Variants in MCC observed in about 807,000 individuals in gnomAD.
The protein encoded by MCC is colorectal mutant cancer protein.
Under a neutral mutation model 116.2 loss-of-function variants are expected in MCC, and 90 were observed. The ratio of observed to expected loss-of-function variants is 0.77; its 90% CI spans 0.65 to 0.92. The LOEUF (loss-of-function observed/expected upper bound fraction) is 0.92. MCC is among the 40% of genes least tolerant of loss of function. MCC has a pLI of 0.00. For synonymous variants in MCC, 578 were observed against 510.5 expected (o/e 1.13, Z -1.78); for missense variants, 1,516 against 1,312.2 (o/e 1.16, Z -2.40).
chr5:113,324,566 C>G (rs1378891665), intron 3 of MCC, among the ~76,000 whole-genome samples: 1 of 152,048 alleles, frequency 6.6e-6, no homozygotes, highest in Non-Finnish European at 1.5e-5. Flanking sequence ...ACTTTTCCTT[C>G]TCTATTATAA....
chr5:113,316,882 T>C (rs905727367), intron 3 of MCC, among the ~76,000 whole-genome samples: 4 of 152,238 alleles, frequency 2.6e-5, no homozygotes, highest in Admixed American at 2.6e-4. Flanking sequence ...TTTAATAGCA[T>C]TCCTTTTTAA....
At chr5:113,042,398 C>G (rs1339881688) in intron 17 of MCC, among the ~76,000 whole-genome samples, 2 of 146,842 alleles carry the variant, frequency 1.4e-5, no homozygotes, top group Non-Finnish European at 3.0e-5. Context: ...TCACTTGAGC[C>G]CAGGAGATTG....
intron 14 of MCC, among the ~76,000 whole-genome samples, chr5:113,056,524 G>A (rs1411958057): frequency 6.6e-6 from 1 of 152,186 alleles, no homozygotes; most frequent in Non-Finnish European, 1.5e-5. Context: ...GCTAAATGAT[G>A]AGAACACATG....
intron 6 of MCC, among the ~76,000 whole-genome samples, chr5:113,107,508 C>T (rs6865341): frequency 0.11 from 16,290 of 152,066 alleles, 1,802 homozygotes; most frequent in African/African-American, 0.28. Context: ...CTAGGATGCT[C>T]ATCACTGCAG....
Position 113,312,500 on chromosome 5 carries a change from G to A in MCC, c.627+28019C>T, listed in dbSNP as rs529607621. On this transcript the variant is annotated intron_variant, in intron 3 of 18. Transcript: ENST00000408903. ...AGTCACAGAAACTTCAAATACAAAG[G>A]CCCTGTAGGGAAGGAGTACAGATGC... Among the ~76,000 whole-genome samples, 4 of 152,302 alleles carry A rather than the reference G, an allele frequency of 2.6e-5. No homozygotes were observed. In the South Asian group the frequency reaches 8.3e-4, roughly 32 times the overall value.
At chr5:113,171,522 T>C (rs78623467) in intron 3 of MCC, among the ~76,000 whole-genome samples, 49 of 151,900 alleles carry the variant, frequency 3.2e-4, no homozygotes, top group African/African-American at 1.2e-3. Flanking sequence ...ACCTGGCTCA[T>C]TTTTGTATTT....
intron 2 of MCC, among the ~76,000 whole-genome samples, chr5:113,352,684 G>C (rs1768304406): frequency 1.1e-5 from 1 of 90,710 alleles, no homozygotes; most frequent in Non-Finnish European, 2.3e-5. Flanking sequence ...GGGAGAAAGG[G>C]TTCATGAATG....
intron 3 of MCC, among the ~76,000 whole-genome samples, chr5:113,226,665 A>G (rs1260050655): frequency 1.3e-5 from 2 of 152,384 alleles, no homozygotes; most frequent in Admixed American, 6.5e-5. Context: ...GCTTAAATTA[A>G]GCTAATTGAA....
intron 6 of MCC, among the ~76,000 whole-genome samples, chr5:113,105,529 C>G (rs1756678659): frequency 6.6e-6 from 1 of 152,216 alleles, no homozygotes; most frequent in African/African-American, 2.4e-5. Flanking sequence ...CCTCCCCGAT[C>G]TCTCCCATCT....
intron 3 of MCC, among the ~76,000 whole-genome samples, chr5:113,197,066 T>C (rs1352988297): frequency 6.6e-6 from 1 of 152,160 alleles, no homozygotes. Flanking sequence ...CAAGAAACGG[T>C]GGCATATGTT....
chr5:113,259,087 T>C lies in MCC; in HGVS notation c.627+81432A>G, dbSNP rs369095217. Among the ~76,000 whole-genome samples, 9 of 152,342 alleles carry C rather than the reference T, an allele frequency of 5.9e-5. No individual in the cohort carries two copies. In the South Asian group the frequency reaches 1.9e-3, roughly 32 times the overall value. On this transcript the variant is annotated intron_variant, in intron 3 of 18. Transcript: ENST00000408903. The stretch of plus-strand genomic sequence containing the variant: ...TTTAAACCCACCCATATTTTTATAA[T>C]TTACAACAGCAAAATGCAAGACAAA...
Position 113,027,344 on chromosome 5 carries a change from C to T in MCC, c.3018G>A (p.Glu1006=), listed in dbSNP as rs1750620253. 6.2e-7 allele frequency: 1 copy of T among 1,614,048 alleles called. No individual in the cohort carries two copies. The highest frequency in any genetic ancestry group is 8.5e-7 in the Non-Finnish European group (1 of 1,180,038). ...RMLKQRIALL[E]EENSRPHTNE... The stretch of plus-strand genomic sequence containing the variant: ...TGGTGTGTGGCCTGGAGTTCTCCTC[C>T]TCTAGCAGAGCTATTCTTTGCTTGA... The change falls in exon 19 of 19, where the codon GAG becomes GAA. Residue 1006 remains glutamate, a synonymous_variant. Transcript: ENST00000408903.
intron 2 of MCC, among the ~76,000 whole-genome samples, chr5:113,344,551 G>A (rs937033165): frequency 6.6e-6 from 1 of 151,478 alleles, no homozygotes; most frequent in Non-Finnish European, 1.5e-5. Flanking sequence ...GAGGAGAGGA[G>A]AGAGAAGAGT....
intron 17 of MCC, among the ~76,000 whole-genome samples, chr5:113,031,753 G>A (rs955116340): frequency 3.3e-5 from 5 of 152,102 alleles, no homozygotes; most frequent in Admixed American, 6.5e-5. Flanking sequence ...AAGACAAAAC[G>A]CTTCCTTCCC....
At chr5:113,412,130 T>C (rs190702932) in intron 1 of MCC, among the ~76,000 whole-genome samples, 7 of 152,348 alleles carry the variant, frequency 4.6e-5, no homozygotes, top group African/African-American at 1.4e-4. Flanking sequence ...CATTGATCTA[T>C]ATCTCTGTTT....
intron 3 of MCC, among the ~76,000 whole-genome samples, chr5:113,155,739 CAA>C (rs905543053): frequency 2.6e-5 from 4 of 151,998 alleles, no homozygotes; most frequent in Non-Finnish European, 5.9e-5. Flanking sequence ...TTCCATGAAC[CAA>C]AGAGAAAGAA....
Position 113,022,337 on chromosome 5 carries a change from T to C in MCC, c.*4965A>G, listed in dbSNP as rs1054691411. On this transcript the variant is annotated 3_prime_UTR_variant, in exon 19 of 19. Coordinates refer to ENST00000408903, the MANE Select transcript of MCC (RefSeq NM_001085377.2). The stretch of plus-strand genomic sequence containing the variant: ...TAAGTAGCAATTTTAAAATGAGACT[T>C]TCAGTACAAACAGTAGAACAATACT... 1 of 152,628 alleles carries C rather than the reference T, an allele frequency of 6.6e-6. No individual in the cohort carries two copies. The highest frequency in any genetic ancestry group is 2.4e-5 in the African/African-American group (1 of 41,464). The allele number at this position is 152,628 out of a possible 1,614,324, so 9.5% of individuals were successfully genotyped here.
chr5:113,438,485 T>C (rs1298464916), intron 1 of MCC, among the ~76,000 whole-genome samples: 1 of 152,092 alleles, frequency 6.6e-6, no homozygotes, highest in African/African-American at 2.4e-5. Flanking sequence ...AGGAAAAGTA[T>C]ATAAGGAAAA....
At chr5:113,382,116 CAGT>C (rs1255909149) in intron 2 of MCC, among the ~76,000 whole-genome samples, 1 of 152,084 alleles carries the variant, frequency 6.6e-6, no homozygotes, top group African/African-American at 2.4e-5. Flanking sequence ...AGAAATAAGG[CAGT>C]ACTAATGGGG....
Sources: gnomAD v4.1 joint callset for allele counts (sites outside exome capture counted in the v4.1 genomes callset) on GRCh38, gnomAD v4.1.1 for gene constraint, MANE v1.5 for transcripts, NCBI Gene and HGNC (gene_info 2026-07-23, HGNC 2026-07-21) for gene names.